Variants in PTPRT observed in about 807,000 individuals in gnomAD.
The protein encoded by PTPRT is receptor-type tyrosine-protein phosphatase T.
Under a neutral mutation model 176.8 loss-of-function variants are expected in PTPRT, and 56 were observed. The ratio of observed to expected loss-of-function variants is 0.32; its 90% CI spans 0.26 to 0.40. PTPRT has a LOEUF of 0.40. Among genes scored for constraint, PTPRT ranks in the 10% least tolerant of loss-of-function variants. The probability of loss-of-function intolerance (pLI) is 1.00; values close to 1 mark genes in which losing one functional copy is unlikely to be tolerated. For synonymous variants in PTPRT, 783 were observed against 739.0 expected, an observed-to-expected ratio of 1.06 and a Z score of -0.96; for missense variants, 1,540 against 1,908.2, an observed-to-expected ratio of 0.81 and a Z score of 3.60.
intron 7 of PTPRT, among the ~76,000 whole-genome samples, chr20:42,520,802 CATATAT>C (rs58797064): frequency 7.1e-6 from 1 of 141,686 alleles, no homozygotes; most frequent in Non-Finnish European, 1.5e-5. Flanking sequence ...CTTGGAAAGA[CATATAT>C]ATATATATAT....
intron 7 of PTPRT, among the ~76,000 whole-genome samples, chr20:42,508,486 G>T (rs2071890172): frequency 6.6e-6 from 1 of 152,068 alleles, no homozygotes; most frequent in South Asian, 2.1e-4. Context: ...TTGTGGTGGA[G>T]AATATAAAGA....
At chr20:42,659,470 A>G (rs941631131) in intron 7 of PTPRT, among the ~76,000 whole-genome samples, 1 of 152,072 alleles carries the variant, frequency 6.6e-6, no homozygotes, top group Non-Finnish European at 1.5e-5. Context: ...ACACTCATCC[A>G]CTCTTCAAAC....
At chr20:42,456,699 AT>A (rs974912601) in intron 8 of PTPRT, among the ~76,000 whole-genome samples, 1 of 151,956 alleles carries the variant, frequency 6.6e-6, no homozygotes, top group Non-Finnish European at 1.5e-5. Context: ...TTTTTAAACT[AT>A]TTTTTTGCAT....
chr20:42,188,912 G>A (rs373692658), intron 16 of PTPRT, among the ~76,000 whole-genome samples: 3 of 152,202 alleles, frequency 2.0e-5, no homozygotes, highest in Non-Finnish European at 2.9e-5. Flanking sequence ...GTGAAGGTCT[G>A]TAACTGATAA....
intron 7 of PTPRT, among the ~76,000 whole-genome samples, chr20:42,589,040 A>C (rs1378238102): frequency 6.6e-6 from 1 of 152,234 alleles, no homozygotes; most frequent in Admixed American, 6.5e-5. Flanking sequence ...CATTCATTAA[A>C]GGCTGCCTCA....
At chr20:42,784,209 C>A (rs1438885699) in intron 3 of PTPRT, among the ~76,000 whole-genome samples, 2 of 152,056 alleles carry the variant, frequency 1.3e-5, no homozygotes, top group Non-Finnish European at 2.9e-5. Context: ...CTCATCCTTC[C>A]AAAAAATGGT....
At chr20:43,140,962 C>A (rs1191104995) in intron 1 of PTPRT, among the ~76,000 whole-genome samples, 1 of 152,140 alleles carries the variant, frequency 6.6e-6, no homozygotes, top group African/African-American at 2.4e-5. Context: ...CGGACTCACA[C>A]TCAGGCCAAA....
intron 1 of PTPRT, among the ~76,000 whole-genome samples, chr20:43,084,957 A>G (rs1276912632): frequency 6.6e-6 from 1 of 152,220 alleles, no homozygotes; most frequent in Non-Finnish European, 1.5e-5. Context: ...ATAACATACC[A>G]TGAGGTGTTT....
chr20:42,645,764 ATGTGTGTGTGTG>A lies in PTPRT; in HGVS notation c.1153+32090_1153+32101del, dbSNP rs59454108. Among the ~76,000 whole-genome samples the A allele has an allele frequency of 2.9e-3, 400 of 139,580 alleles. 1 individual carries two copies. Among genetic ancestry groups the A allele is most frequent in the African/African-American group, 9.9e-3 (380 of 38,246 alleles). 91.6% of individuals were successfully genotyped at this position (139,580 alleles called of 152,430 possible). A position where few individuals can be genotyped will look rare whatever the true frequency, so the allele number is the denominator to read the frequency against. ...TATGTTTCAGATGGGATGTGTATTT[ATGTGTGTGTGTG>A]TGTGTGTGTGTGTGTGTGTGTGTGT... On this transcript the variant is annotated intron_variant, in intron 7 of 30. Transcript: ENST00000373187.
intron 6 of PTPRT, among the ~76,000 whole-genome samples, chr20:42,747,638 A>G (rs1034881244): frequency 2.6e-4 from 40 of 152,228 alleles, no homozygotes; most frequent in African/African-American, 9.2e-4. Context: ...GAGCTACATA[A>G]TTATCTGGAA....
At chr20:42,766,773 A>G (rs1011806217) in intron 5 of PTPRT, among the ~76,000 whole-genome samples, 1 of 152,212 alleles carries the variant, frequency 6.6e-6, no homozygotes. Context: ...TGGAAACAAC[A>G]TCTTTATTTC....
intron 2 of PTPRT, among the ~76,000 whole-genome samples, chr20:42,825,827 T>G (rs2077983126): frequency 6.6e-6 from 1 of 152,102 alleles, no homozygotes; most frequent in Admixed American, 6.6e-5. Flanking sequence ...CAGTGAAAAC[T>G]GAAGCCCGTA....
intron 1 of PTPRT, among the ~76,000 whole-genome samples, chr20:42,951,030 T>C (rs969626996): frequency 6.6e-6 from 1 of 152,234 alleles, no homozygotes; most frequent in African/African-American, 2.4e-5. Flanking sequence ...CTAACAGCAC[T>C]AAATGTATTT....
At chr20:42,395,780 C>CT (rs749611010) in intron 9 of PTPRT, among the ~76,000 whole-genome samples, 18 of 152,230 alleles carry the variant, frequency 1.2e-4, no homozygotes, top group Non-Finnish European at 2.2e-4. Flanking sequence ...TCCTTTTGTT[C>CT]TTTTTTTATT....
rs1437665427 is a variant in PTPRT, at chr20:42,678,020, C to T, written c.999G>A (p.Thr333=). ...KEVEYRTTTG[T]WAETHIVDSP... ...AGTCGACTATGTGGGTCTCTGCCCA[C>T]GTGCCTGTGGTGGTGCGATATTCCA... The change falls in exon 7 of 31, where the codon ACG becomes ACA. Residue 333 remains threonine (T), a synonymous_variant. Transcript: ENST00000373187. The T allele has an allele frequency of 1.4e-5, 22 of 1,614,038 alleles. No homozygotes were observed. The highest frequency in any genetic ancestry group is 2.2e-5 in the East Asian group (1 of 44,854).
chr20:42,646,464 CTCT>C (rs2074902263), intron 7 of PTPRT, among the ~76,000 whole-genome samples: 2 of 152,106 alleles, frequency 1.3e-5, no homozygotes, highest in Non-Finnish European at 2.9e-5. Context: ...AAAGTATTTA[CTCT>C]GGCCCTTGAT....
chr20:43,030,486 G>C (rs1986096535), intron 1 of PTPRT, among the ~76,000 whole-genome samples: 3 of 149,214 alleles, frequency 2.0e-5, no homozygotes, highest in Admixed American at 6.7e-5. Flanking sequence ...GCCCAAAAGG[G>C]GGAAAGGGCA....
At position 42,686,603 on chromosome 20, in the gene PTPRT, C is replaced by A. The variant is rs142717193; in HGVS notation, c.860-8444G>T. On this transcript the variant is annotated intron_variant, in intron 6 of 30. Coordinates refer to ENST00000373187, the MANE Select transcript of PTPRT (RefSeq NM_007050.6). ...GGTTCAAGTGATTCTCCTGCCTCAG[C>A]CTCCTGAGTAGCTAGAACTACAGGT... 4.7e-3 allele frequency among the ~76,000 whole-genome samples: 710 copies of A among 151,504 alleles called. 9 individuals carry two copies. Among genetic ancestry groups the A allele is most frequent in the African/African-American group, 0.016 (665 of 41,316 alleles).
chr20:42,050,641 T>C, the PTPRT span, among the ~76,000 whole-genome samples: 1 of 152,190 alleles, frequency 6.6e-6, no homozygotes, highest in Admixed American at 6.5e-5. Flanking sequence ...TGAAGGAATA[T>C]GTCTATTTTT....
Sources: allele counts gnomAD v4.1 joint callset (sites outside exome capture counted in the v4.1 genomes callset), GRCh38; gene constraint gnomAD v4.1.1; transcripts MANE v1.5; gene names NCBI Gene and HGNC (gene_info 2026-07-23, HGNC 2026-07-21).